Variants in SRGAP3 observed in about 807,000 individuals in gnomAD.
SRGAP3 encodes the protein SLIT-ROBO Rho GTPase activating protein 3.
In SRGAP3, 39 loss-of-function variants were observed where a neutral mutation model predicts 121.1. The ratio of observed to expected loss-of-function variants is 0.32; its 90% CI spans 0.25 to 0.42. SRGAP3 has a LOEUF of 0.42. Among genes scored for constraint, SRGAP3 ranks in the 10% least tolerant of loss-of-function variants. The pLI, the probability that SRGAP3 is intolerant of heterozygous loss-of-function variation, is 1.00. For missense variants in SRGAP3, 1,213 were observed against 1,470.6 expected (o/e 0.82, Z 2.86); for synonymous variants, 601 against 570.0 (o/e 1.05, Z -0.77).
chr3:9,229,491 G>A (rs916125295), intron 1 of SRGAP3, among the ~76,000 whole-genome samples: 5 of 152,104 alleles, frequency 3.3e-5, no homozygotes, highest in Admixed American at 1.3e-4. Context: ...GGCCAAAGGC[G>A]TTCTCCACGT....
upstream of SRGAP3, among the ~76,000 whole-genome samples, chr3:9,252,353 C>A (rs1410583924): frequency 6.6e-6 from 1 of 152,060 alleles, no homozygotes; most frequent in African/African-American, 2.4e-5. Flanking sequence ...TGGTCTCAAG[C>A]AATTCTCCCA....
At chr3:9,336,634 C>T (rs1249150396) in intron 1 of SRGAP3, among the ~76,000 whole-genome samples, 1 of 152,064 alleles carries the variant, frequency 6.6e-6, no homozygotes, top group Non-Finnish European at 1.5e-5. Context: ...ACAAAAGAAA[C>T]AACTTGAGCA....
At chr3:9,348,424 G>A (rs145447438) in intron 1 of SRGAP3, 29 of 610,038 alleles carry the variant, frequency 4.8e-5, no homozygotes, top group African/African-American at 3.2e-4. Context: ...AGTCAGCGTC[G>A]CATCCCCAGC....
chr3:9,129,746 G>A (rs931223269), intron 1 of SRGAP3, among the ~76,000 whole-genome samples: 2 of 151,680 alleles, frequency 1.3e-5, no homozygotes, highest in African/African-American at 2.4e-5. Context: ...ATCAATATCT[G>A]TATAGCAAAT....
intron 5 of SRGAP3, among the ~76,000 whole-genome samples, chr3:9,062,860 T>G (rs1443874724): frequency 1.3e-5 from 2 of 152,216 alleles, no homozygotes; most frequent in Non-Finnish European, 2.9e-5. Context: ...GGACATATGT[T>G]TTTATTTTTC....
At chr3:9,009,367 T>C (rs1372209193) in intron 18 of SRGAP3, among the ~76,000 whole-genome samples, 1 of 152,164 alleles carries the variant, frequency 6.6e-6, no homozygotes, top group East Asian at 1.9e-4. Context: ...AGGTGCTTGG[T>C]GCATCCTGGG....
intron 14 of SRGAP3, among the ~76,000 whole-genome samples, chr3:9,022,132 T>C (rs559869350): frequency 6.6e-6 from 1 of 152,162 alleles, no homozygotes; most frequent in South Asian, 2.1e-4. Flanking sequence ...ATGGAGACCA[T>C]CCTGGCCAAC....
At chr3:9,308,990 T>C (rs143871296) in intron 3 of SRGAP3, among the ~76,000 whole-genome samples, 117 of 152,332 alleles carry the variant, frequency 7.7e-4, no homozygotes, top group Middle Eastern at 6.8e-3. Context: ...CCCACACTGA[T>C]TCTGGGCTTG....
intron 1 of SRGAP3, among the ~76,000 whole-genome samples, chr3:9,187,853 A>C (rs1951646785): frequency 6.6e-6 from 1 of 152,148 alleles, no homozygotes; most frequent in African/African-American, 2.4e-5. Flanking sequence ...CCCTCAGAAC[A>C]CCTGCAATCC....
intron 10 of SRGAP3, among the ~76,000 whole-genome samples, chr3:9,045,243 T>G (rs1945206496): frequency 6.7e-6 from 1 of 149,044 alleles, no homozygotes; most frequent in Admixed American, 6.7e-5. Context: ...TCAAGAACCA[T>G]CCATTTGTCA....
chr3:9,046,926 G>A (rs1945311067), intron 10 of SRGAP3, among the ~76,000 whole-genome samples: 1 of 151,840 alleles, frequency 6.6e-6, no homozygotes, highest in South Asian at 2.1e-4. Flanking sequence ...TGCCTCCTGG[G>A]TTCACGCCAT....
intron 9 of SRGAP3, among the ~76,000 whole-genome samples, chr3:9,052,158 T>A (rs1945609665): frequency 1.3e-5 from 2 of 152,180 alleles, no homozygotes; most frequent in African/African-American, 4.8e-5. Flanking sequence ...ACTGAAAGAA[T>A]CAAATACATT....
intron 3 of SRGAP3, among the ~76,000 whole-genome samples, chr3:9,280,872 C>G (rs1359857093): frequency 2.6e-5 from 4 of 152,118 alleles, no homozygotes; most frequent in Non-Finnish European, 5.9e-5. Flanking sequence ...CAACGCAAGC[C>G]ACTCCAATAA....
chr3:9,296,356 C>G (rs1954955065), intron 3 of SRGAP3, among the ~76,000 whole-genome samples: 1 of 152,168 alleles, frequency 6.6e-6, no homozygotes, highest in Admixed American at 6.6e-5. Context: ...TGGTGTCTCA[C>G]TGTGTCTTCA....
intron 3 of SRGAP3, among the ~76,000 whole-genome samples, chr3:9,290,960 A>G (rs1159440801): frequency 1.3e-5 from 2 of 152,128 alleles, no homozygotes; most frequent in Non-Finnish European, 2.9e-5. Flanking sequence ...GTGTGTGTGT[A>G]CGTGTGTTCT....
intron 2 of SRGAP3, among the ~76,000 whole-genome samples, chr3:9,115,109 G>A (rs1052572830): frequency 6.6e-6 from 1 of 152,058 alleles, no homozygotes; most frequent in Admixed American, 6.6e-5. Context: ...TTCTTTCACG[G>A]GTCAGCTGTG....
rs142282361 is a variant in SRGAP3 at position 9,186,042 on chromosome 3, C to T, written c.68-61125G>A. Among the ~76,000 whole-genome samples, 702 of 152,274 alleles carry T rather than the reference C, an allele frequency of 4.6e-3. 7 individuals carry two copies. The highest frequency in any genetic ancestry group is 0.016 in the African/African-American group (675 of 41,540). ...TTTCCAACCAAACCCAGCAACTCAGCATTCTCCAACCGTGTCACCCCTTCA... is the reference window on the plus strand; with the variant it reads ...TTTCCAACCAAACCCAGCAACTCAGTATTCTCCAACCGTGTCACCCCTTCA... On this transcript the variant is annotated intron_variant, in intron 1 of 21. Coordinates refer to ENST00000383836, the MANE Select transcript of SRGAP3 (RefSeq NM_014850.4).
intron 6 of SRGAP3, chr3:9,059,121 C>T (rs1045162295): frequency 2.0e-4 from 30 of 153,720 alleles, no homozygotes; most frequent in African/African-American, 6.5e-4. Flanking sequence ...GTTCTCCCCA[C>T]TCAGAGCTGG....
intron 17 of SRGAP3, among the ~76,000 whole-genome samples, chr3:9,011,738 C>G (rs1332038140): frequency 6.6e-6 from 1 of 152,198 alleles, no homozygotes; most frequent in East Asian, 1.9e-4. Context: ...CAGCCCACAA[C>G]AGATGATTGG....
Sources: allele counts gnomAD v4.1 joint callset (sites outside exome capture counted in the v4.1 genomes callset), GRCh38; gene constraint gnomAD v4.1.1; transcripts MANE v1.5; gene names NCBI Gene and HGNC (gene_info 2026-07-23, HGNC 2026-07-21).